Variants in DAB1 observed in about 807,000 individuals in gnomAD.
DAB1 encodes the protein disabled homolog 1.
In DAB1, 15 loss-of-function variants were observed where a neutral mutation model predicts 64.6. The observed-to-expected ratio is 0.23, with a 90% CI of 0.16 to 0.36. The LOEUF (loss-of-function observed/expected upper bound fraction) is 0.36, where lower values mean the gene tolerates loss of function less well. Ranked by LOEUF, DAB1 falls within the 10% of genes least tolerant of loss-of-function variation. The probability of loss-of-function intolerance (pLI) is 1.00; values close to 1 mark genes in which losing one functional copy is unlikely to be tolerated. For synonymous variants in DAB1, 235 were observed against 251.9 expected (o/e 0.93, Z 0.64); for missense variants, 596 against 706.7 (o/e 0.84, Z 1.78).
At chr1:57,569,876 T>C (rs1645173166) in intron 7 of DAB1, among the ~76,000 whole-genome samples, 1 of 152,214 alleles carries the variant, frequency 6.6e-6, no homozygotes, top group Admixed American at 6.5e-5. Context: ...TGGGGATTGG[T>C]GCATTTCCCG....
rs551948810 is a variant in DAB1 at position 57,383,601 on chromosome 1, T to C, written c.-137+40329A>G. ...TAGAAGAGAACAGAAAGCCAAGAAATAAAACCTCACATAGAAGGTCAAATG... is the reference window on the plus strand; with the variant it reads ...TAGAAGAGAACAGAAAGCCAAGAAACAAAACCTCACATAGAAGGTCAAATG... On this transcript the variant is annotated intron_variant, in intron 1 of 14. Coordinates refer to ENST00000371236, the MANE Select transcript of DAB1 (RefSeq NM_001365792.1). Among the ~76,000 whole-genome samples, 83 of 152,074 alleles carry C rather than the reference T, an allele frequency of 5.5e-4. 1 individual carries two copies. Among genetic ancestry groups the C allele is most frequent in the Non-Finnish European group, 1.1e-3 (77 of 68,006 alleles).
chr1:57,763,501 C>A (rs1423242799), intron 6 of DAB1, among the ~76,000 whole-genome samples: 1 of 151,870 alleles, frequency 6.6e-6, no homozygotes, highest in African/African-American at 2.4e-5. Flanking sequence ...ATAGTGAGAC[C>A]CTGTTTCTAC....
At chr1:57,750,897 A>T (rs1648519548) in intron 6 of DAB1, among the ~76,000 whole-genome samples, 1 of 152,156 alleles carries the variant, frequency 6.6e-6, no homozygotes, top group Non-Finnish European at 1.5e-5. Context: ...TAGCCACACG[A>T]ACTCCTCTCA....
rs137879006 is a variant in DAB1 at position 58,450,853 on chromosome 1, T to C, written n.257+55207A>G. ...ATCAAGGTTAAAGTCAGCAGTTATG[T>C]TGGTATCAGGTATTCCCTGAGATGA... On this transcript the variant is annotated intron_variant and non_coding_transcript_variant, in intron 3 of 20. Transcript: ENST00000485760. 6.6e-3 allele frequency among the ~76,000 whole-genome samples: 1,007 copies of C among 152,316 alleles called. 12 individuals carry two copies. Among genetic ancestry groups the C allele is most frequent in the African/African-American group, 0.022 (915 of 41,572 alleles).
chr1:58,388,922 C>T (rs1348288851), intron 3 of DAB1, among the ~76,000 whole-genome samples: 2 of 152,100 alleles, frequency 1.3e-5, no homozygotes, highest in Non-Finnish European at 2.9e-5. Context: ...TAAATAGGAT[C>T]CCAATTGCAA....
chr1:57,568,732 C>G (rs925390261), intron 7 of DAB1, among the ~76,000 whole-genome samples: 8 of 152,220 alleles, frequency 5.3e-5, no homozygotes, highest in Middle Eastern at 3.4e-3. Context: ...AATGAGATAC[C>G]ATCTCACACC....
At chr1:57,404,355 A>C (rs1683470214) in intron 1 of DAB1, among the ~76,000 whole-genome samples, 1 of 152,246 alleles carries the variant, frequency 6.6e-6, no homozygotes, top group Non-Finnish European at 1.5e-5. Flanking sequence ...ACAATGTGCT[A>C]AATGCTTAAT....
intron 1 of DAB1, chr1:57,876,310 G>A (rs142832160): frequency 8.7e-4 from 133 of 152,216 alleles, no homozygotes; most frequent in African/African-American, 3.0e-3. Flanking sequence ...TATAAATAAC[G>A]ATGTCCCCAG....
At chr1:57,896,619 C>A (rs72918580) in intron 5 of DAB1, among the ~76,000 whole-genome samples, 1,614 of 152,214 alleles carry the variant, frequency 0.011, 22 homozygotes, top group African/African-American at 0.036. Context: ...TGATCCTGGG[C>A]AAGTTGCTTA....
At chr1:58,333,576 C>A (rs764511397) in intron 4 of DAB1, among the ~76,000 whole-genome samples, 3 of 152,216 alleles carry the variant, frequency 2.0e-5, no homozygotes, top group Admixed American at 6.5e-5. Context: ...ATTCTAATTT[C>A]TTGCTCACCA....
intron 5 of DAB1, among the ~76,000 whole-genome samples, chr1:58,069,395 A>G (rs75352997): frequency 0.06 from 9,128 of 152,332 alleles, 452 homozygotes; most frequent in African/African-American, 0.13. Flanking sequence ...AATAATAATG[A>G]TGAATAATTA....
intron 14 of DAB1, among the ~76,000 whole-genome samples, chr1:57,003,540 A>G (rs1255270552): frequency 1.3e-5 from 2 of 152,106 alleles, no homozygotes; most frequent in Non-Finnish European, 2.9e-5. Flanking sequence ...GTGAAACATA[A>G]ACAACATAAC....
chr1:58,237,042 A>AAATCATT (rs56981852), intron 4 of DAB1, among the ~76,000 whole-genome samples: 1 of 151,212 alleles, frequency 6.6e-6, no homozygotes, highest in Non-Finnish European at 1.5e-5. Context: ...TATTTCCACA[A>AAATCATT]AATAAAAAAT....
At position 57,269,665 on chromosome 1, in the gene DAB1, C is replaced by T. The variant is rs972830884; in HGVS notation, c.67+21299G>A. Among the ~76,000 whole-genome samples, 4 of 152,288 alleles carry T rather than the reference C, an allele frequency of 2.6e-5. No individual in the cohort carries two copies. In the East Asian group the frequency reaches 7.7e-4, roughly 29 times the overall value. ...ACTCCTTTCTGAATACTCCCTCCAA[C>T]CTCTCACCCTGAGATGCACTTTACT... On this transcript the variant is annotated intron_variant, in intron 2 of 14. Coordinates refer to ENST00000371236, the MANE Select transcript of DAB1 (RefSeq NM_001365792.1).
intron 7 of DAB1, among the ~76,000 whole-genome samples, chr1:57,609,192 G>A (rs966689789): frequency 2.1e-4 from 32 of 152,096 alleles, no homozygotes; most frequent in Admixed American, 2.0e-4. Context: ...TCAGTTCTCC[G>A]TATCTGTGGG....
At chr1:57,971,742 A>G (rs1645801523) in intron 5 of DAB1, among the ~76,000 whole-genome samples, 1 of 152,232 alleles carries the variant, frequency 6.6e-6, no homozygotes, top group South Asian at 2.1e-4. Flanking sequence ...TTTGTAAAGA[A>G]GTGTAGCAAT....
At chr1:57,238,119 C>T (rs945906170) in intron 2 of DAB1, among the ~76,000 whole-genome samples, 7 of 152,110 alleles carry the variant, frequency 4.6e-5, no homozygotes, top group South Asian at 2.1e-4. Context: ...TCCTAGACCA[C>T]GAAACCAAGG....
chr1:58,302,273 AG>A (rs1022288019), intron 4 of DAB1, among the ~76,000 whole-genome samples: 25 of 152,268 alleles, frequency 1.6e-4, no homozygotes, highest in Admixed American at 1.6e-3. Flanking sequence ...CCTTTTCTCA[AG>A]AATGTTGCCT....
At chr1:57,081,596 G>A (rs1018278298) in intron 4 of DAB1, among the ~76,000 whole-genome samples, 20 of 152,072 alleles carry the variant, frequency 1.3e-4, no homozygotes, top group East Asian at 7.7e-4. Flanking sequence ...TTTGTTGGTC[G>A]CTTAAGACTT....
Sources: gnomAD v4.1 joint callset for allele counts (sites outside exome capture counted in the v4.1 genomes callset) on GRCh38, gnomAD v4.1.1 for gene constraint, MANE v1.5 for transcripts, NCBI Gene and HGNC (gene_info 2026-07-23, HGNC 2026-07-21) for gene names.